ANKS1B: variants seen among roughly 807,000 people sequenced by gnomAD.
ANKS1B encodes ankyrin repeat and sterile alpha motif domain containing 1B, also known as ankyrin repeat and sterile alpha motif domain-containing protein 1B.
In ANKS1B, 36 loss-of-function variants were observed where a neutral mutation model predicts 148.3. The ratio of observed to expected loss-of-function variants is 0.24; its 90% confidence interval spans 0.19 to 0.32. The LOEUF is 0.32. ANKS1B is among the 10% of genes least tolerant of loss of function. ANKS1B has a pLI of 1.00. For synonymous variants in ANKS1B, 542 were observed against 560.8 expected (o/e 0.97, Z 0.47); for missense variants, 1,157 against 1,542.6 (o/e 0.75, Z 4.19).
intron 9 of ANKS1B, among the ~76,000 whole-genome samples, chr12:99,642,265 C>G (rs2098315443): frequency 6.6e-6 from 1 of 152,172 alleles, no homozygotes; most frequent in Admixed American, 6.5e-5. Context: ...AAATATATGT[C>G]CCATCTTCTG....
At chr12:99,090,934 A>AT (rs2053781517) in intron 15 of ANKS1B, among the ~76,000 whole-genome samples, 2 of 152,152 alleles carry the variant, frequency 1.3e-5, no homozygotes, top group Admixed American at 1.3e-4. Context: ...CCTCTCTCAC[A>AT]TTAATGAAAT....
At chr12:99,482,595 A>C (rs1380883385) in intron 10 of ANKS1B, among the ~76,000 whole-genome samples, 1 of 151,984 alleles carries the variant, frequency 6.6e-6, no homozygotes, top group Non-Finnish European at 1.5e-5. Context: ...TGGGAATTGC[A>C]TTGAATCTAT....
At chr12:99,680,958 A>C (rs2098611557) in intron 8 of ANKS1B, among the ~76,000 whole-genome samples, 1 of 152,038 alleles carries the variant, frequency 6.6e-6, no homozygotes, top group Admixed American at 6.5e-5. Context: ...TGGCCTGAGA[A>C]CCACAATCCC....
chr12:99,928,098 A>G (rs2094517630), intron 1 of ANKS1B, among the ~76,000 whole-genome samples: 1 of 152,016 alleles, frequency 6.6e-6, no homozygotes, highest in Non-Finnish European at 1.5e-5. Context: ...TTATTCATAC[A>G]CATGAAAGAT....
downstream of ANKS1B, among the ~76,000 whole-genome samples, chr12:98,742,658 GCTACTAA>G (rs1211528666): frequency 6.6e-6 from 1 of 152,238 alleles, no homozygotes; most frequent in Non-Finnish European, 1.5e-5. Flanking sequence ...CCAGCTCCTA[GCTACTAA>G]CAGAGTCACA....
At chr12:99,217,871 C>T (rs565641071) in intron 14 of ANKS1B, among the ~76,000 whole-genome samples, 1 of 152,064 alleles carries the variant, frequency 6.6e-6, no homozygotes, top group Admixed American at 6.6e-5. Context: ...GAAACTGAGG[C>T]TCAGAGTGAA....
intron 8 of ANKS1B, among the ~76,000 whole-genome samples, chr12:99,683,084 T>A (rs2153487031): frequency 6.6e-6 from 1 of 152,240 alleles, no homozygotes; most frequent in East Asian, 1.9e-4. Context: ...CCAGGTCTCG[T>A]GAGACTTATA....
intron 12 of ANKS1B, among the ~76,000 whole-genome samples, chr12:99,286,422 T>C (rs191871957): frequency 6.6e-6 from 1 of 152,176 alleles, no homozygotes; most frequent in Non-Finnish European, 1.5e-5. Flanking sequence ...GTACTTGTCA[T>C]AGGCCTTGGG....
At chr12:99,287,625 C>T (rs1305531260) in intron 12 of ANKS1B, among the ~76,000 whole-genome samples, 1 of 152,104 alleles carries the variant, frequency 6.6e-6, no homozygotes, top group East Asian at 1.9e-4. Context: ...TTCAAAATAC[C>T]TGTTTTTAGG....
intron 12 of ANKS1B, among the ~76,000 whole-genome samples, chr12:99,350,393 G>A (rs911199270): frequency 1.5e-4 from 23 of 151,844 alleles, no homozygotes; most frequent in African/African-American, 5.6e-4. Context: ...CACTCACAAG[G>A]AAACAATGCA....
intron 9 of ANKS1B, among the ~76,000 whole-genome samples, chr12:99,606,303 A>G (rs1284113387): frequency 1.3e-5 from 2 of 151,940 alleles, no homozygotes; most frequent in Admixed American, 6.6e-5. Flanking sequence ...CCTATTTTTT[A>G]ACAAAAATGT....
intron 1 of ANKS1B, among the ~76,000 whole-genome samples, chr12:99,960,380 A>C (rs548849293): frequency 2.0e-5 from 3 of 152,326 alleles, no homozygotes; most frequent in African/African-American, 7.2e-5. Flanking sequence ...ACTCTGAGAA[A>C]ACCACAGCCA....
At chr12:99,646,978 C>T (rs1357232781) in intron 9 of ANKS1B, among the ~76,000 whole-genome samples, 4 of 148,420 alleles carry the variant, frequency 2.7e-5, no homozygotes, top group Non-Finnish European at 3.0e-5. Context: ...TTTATCATGG[C>T]TATAGAAACA....
At chr12:99,031,401 G>C (rs1195595238) in intron 17 of ANKS1B, among the ~76,000 whole-genome samples, 1 of 152,158 alleles carries the variant, frequency 6.6e-6, no homozygotes, top group Non-Finnish European at 1.5e-5. Flanking sequence ...CAGTTGGCCA[G>C]TAAAATCCAT....
At chr12:99,684,606 G>T (rs2098639288) in intron 8 of ANKS1B, among the ~76,000 whole-genome samples, 1 of 151,922 alleles carries the variant, frequency 6.6e-6, no homozygotes, top group Non-Finnish European at 1.5e-5. Flanking sequence ...TCAAAAAAGA[G>T]CCTGCATAGC....
intron 9 of ANKS1B, among the ~76,000 whole-genome samples, chr12:99,596,542 T>C (rs1775096517): frequency 6.6e-6 from 1 of 151,966 alleles, no homozygotes; most frequent in Non-Finnish European, 1.5e-5. Context: ...AACATGAATT[T>C]TGACCTAGTA....
intron 12 of ANKS1B, among the ~76,000 whole-genome samples, chr12:99,248,629 A>G (rs1322548151): frequency 6.6e-6 from 1 of 152,222 alleles, no homozygotes; most frequent in South Asian, 2.1e-4. Flanking sequence ...TAGTGGGATA[A>G]GGCAGCTTTC....
At chr12:99,314,970 C>T (rs932196134) in intron 12 of ANKS1B, among the ~76,000 whole-genome samples, 4 of 151,282 alleles carry the variant, frequency 2.6e-5, no homozygotes, top group South Asian at 2.1e-4. Flanking sequence ...ATTGGCTGGG[C>T]GTGGTGGCTC....
At chr12:98,799,038 A>C (rs753673355) in intron 21 of ANKS1B, 33 bp from the exon 22 acceptor site, 2 of 1,487,774 alleles carry the variant, frequency 1.3e-6, no homozygotes, top group African/African-American at 2.8e-5. Flanking sequence ...TGATTTATGA[A>C]ATGGAATATA....
Sources: allele counts gnomAD v4.1 joint callset (sites outside exome capture counted in the v4.1 genomes callset), GRCh38; gene constraint gnomAD v4.1.1; transcripts MANE v1.5; gene names NCBI Gene and HGNC (gene_info 2026-07-23, HGNC 2026-07-21).